DPH1: variants seen among roughly 807,000 people sequenced by gnomAD.
DPH1 encodes the protein 2-(3-amino-3-carboxypropyl)histidine synthase subunit 1.
Under a neutral mutation model 55.3 loss-of-function variants are expected in DPH1, and 59 were observed. The ratio of observed to expected loss-of-function variants is 1.07; its 90% CI spans 0.87 to 1.33. The LOEUF is 1.33. DPH1 is among the 40% of genes most tolerant of loss of function. DPH1 has a pLI of 0.00. For missense variants in DPH1, 628 were observed against 584.8 expected (o/e 1.07, Z -0.76); for synonymous variants, 238 against 235.5 (o/e 1.01, Z -0.10).
intron 9 of DPH1, 39 bp downstream of exon 9, chr17:2,040,644 A>G (rs778114854): frequency 6.2e-6 from 10 of 1,605,678 alleles, no homozygotes; most frequent in African/African-American, 5.3e-5. Context: ...AAAGAAGCTT[A>G]GAAGCTGGGT....
Position 2,030,192 on chromosome 17 carries a change from G to A in DPH1, c.23G>A (p.Gly8Glu), listed in dbSNP as rs762458101. 3 of 1,602,552 alleles carry A rather than the reference G, an allele frequency of 1.9e-6. No individual in the cohort carries two copies. Among genetic ancestry groups the A allele is most frequent in the Non-Finnish European group, 1.7e-6 (2 of 1,175,748 alleles). Residue 8 changes from glycine to glutamate, a missense_variant, in exon 1 of 13, where the codon GGG (glycine) becomes GAG (glutamate). By Grantham distance (98) the Gly-to-Glu change is moderately conservative (BLOSUM62 -2). Transcript: ENST00000263083. ...GTGATGGCGGCGCTGGTCGTATCCGGGGCAGCGGAGCAGGGCGGCCGAGAC... is the reference window on the plus strand; with the variant it reads ...GTGATGGCGGCGCTGGTCGTATCCGAGGCAGCGGAGCAGGGCGGCCGAGAC... MAALVVSGAAEQGGRDGP... is the reference protein window; with the variant it reads MAALVVSEAAEQGGRDGP...
rs748137510 is a variant in DPH1, at chr17:2,043,239, C to A, written c.*653C>A. 129 of 1,102,238 alleles carry A rather than the reference C, an allele frequency of 1.2e-4. No homozygotes were observed. Among genetic ancestry groups the A allele is most frequent in the Non-Finnish European group, 1.5e-4 (114 of 776,976 alleles). The allele number at this position is 1,102,238 out of a possible 1,614,324, so 68.3% of individuals were successfully genotyped here. Reference sequence around the variant, plus strand: ...ACCAGTTAAGAGACAACTATCAATTCTTGAGACCCAAATTATAAGGGCCCT... The same window carrying A: ...ACCAGTTAAGAGACAACTATCAATTATTGAGACCCAAATTATAAGGGCCCT... On this transcript the variant is annotated 3_prime_UTR_variant, in exon 13 of 13. Coordinates refer to ENST00000263083, the MANE Select transcript of DPH1 (RefSeq NM_001383.6).
intron 1 of DPH1, among the ~76,000 whole-genome samples, chr17:2,031,137 G>A (rs1307134151): frequency 6.6e-6 from 1 of 152,192 alleles, no homozygotes; most frequent in Non-Finnish European, 1.5e-5. Context: ...CTTAATTGTC[G>A]GGGCAGGGCA....
In DPH1 at chr17:2,033,522, C is replaced by T. The variant is rs775796897; in HGVS notation, c.79C>T (p.Arg27Cys). Reference sequence around the variant, plus strand: ...CATTCTAGGTCGGGCCCCTCGGGGCCGCGTGGCCAATCAGATCCCCCCTGA... The same window carrying T: ...CATTCTAGGTCGGGCCCCTCGGGGCTGCGTGGCCAATCAGATCCCCCCTGA... ...GPGRGRAPRG[R>C]VANQIPPEIL... The change falls in exon 2 of 13, where the codon CGC becomes TGC. Residue 27 changes from arginine to cysteine, a missense_variant. Arg to Cys is a radical substitution (Grantham distance 180). Transcript: ENST00000263083. The T allele has an allele frequency of 2.4e-5, 38 of 1,614,012 alleles. No individual in the cohort carries two copies. The highest frequency in any genetic ancestry group is 6.7e-5 in the African/African-American group (5 of 74,926).
At chr17:2,042,030 C>T (rs978593108) in intron 12 of DPH1, 155 bp downstream of exon 12, 2 of 1,501,462 alleles carry the variant, frequency 1.3e-6, no homozygotes, top group East Asian at 2.5e-5. Flanking sequence ...GTGCTTCCGT[C>T]GCTCCTTGCC....
At chr17:2,033,384 A>C (rs1184049522) in intron 1 of DPH1, 121 bp from the exon 2 acceptor site, 1 of 1,514,312 alleles carries the variant, frequency 6.6e-7, no homozygotes, top group African/African-American at 1.4e-5. Flanking sequence ...GAGATGACTC[A>C]AAATTTTTAT....
Position 2,041,640 on chromosome 17 carries a change from G to A in DPH1, c.1227+19G>A. 1 of 1,596,030 alleles carries A rather than the reference G, an allele frequency of 6.3e-7. No individual in the cohort carries two copies. The highest frequency in any genetic ancestry group is 8.5e-7 in the Non-Finnish European group (1 of 1,172,428). On this transcript the variant is annotated intron_variant, in intron 11 of 12. Transcript: ENST00000263083. ...GGGGAAGGTAGGCGGGGGCTTCCAG[G>A]AGGGAGGAGAGACCGCGCCTGGGCA...
In DPH1 at chr17:2,043,060, C is replaced by T. The variant is rs1363716626; in HGVS notation, c.*474C>T. The T allele has an allele frequency of 1.9e-6, 3 of 1,614,032 alleles. No homozygotes were observed. The highest frequency in any genetic ancestry group is 2.5e-6 in the Non-Finnish European group (3 of 1,180,032). Reference sequence around the variant, plus strand: ...CCACTTCATTCCAGCAGCTGCACCCCAGCGTCAGGCCTACCTCAAGTTCTT... The same window carrying T: ...CCACTTCATTCCAGCAGCTGCACCCTAGCGTCAGGCCTACCTCAAGTTCTT... On this transcript the variant is annotated 3_prime_UTR_variant, in exon 13 of 13. Transcript: ENST00000263083.
rs1217885306 is a variant in DPH1 at position 2,042,908 on chromosome 17, T to C, written c.*322T>C. ...GGCATTGGGTTCAAGGAATCCATCC[T>C]GCAAAGGCCCTTGTCATTGCCTTCG... On this transcript the variant is annotated 3_prime_UTR_variant, in exon 13 of 13. Coordinates refer to ENST00000263083, the MANE Select transcript of DPH1 (RefSeq NM_001383.6). The C allele has an allele frequency of 1.2e-6, 2 of 1,614,092 alleles. No homozygotes were observed. The highest frequency in any genetic ancestry group is 2.7e-5 in the African/African-American group (2 of 74,942).
intron 12 of DPH1, chr17:2,042,172 T>G (rs1217365403): frequency 2.7e-6 from 4 of 1,460,004 alleles, no homozygotes; most frequent in East Asian, 5.4e-5. Context: ...CTCGTGTGCC[T>G]CAGCGGCCCG....
In DPH1 at chr17:2,039,855, T is replaced by C. The variant is rs762882889; in HGVS notation, c.749+32T>C. Reference sequence around the variant, plus strand: ...GCTGGGCCGGGCTGGGCTGACCAGCTGGTGAGGGGTGAGATTCCCTGCCAC... The same window carrying C: ...GCTGGGCCGGGCTGGGCTGACCAGCCGGTGAGGGGTGAGATTCCCTGCCAC... On this transcript the variant is annotated intron_variant, in intron 7 of 12. Coordinates refer to ENST00000263083, the MANE Select transcript of DPH1 (RefSeq NM_001383.6). The C allele has an allele frequency of 2.5e-6, 4 of 1,613,670 alleles. No homozygotes were observed. The South Asian group carries it at 3.3e-5, about 13-fold the overall frequency.
chr17:2,042,309 C>A (rs1020590359), intron 12 of DPH1: 8 of 1,393,656 alleles, frequency 5.7e-6, no homozygotes, highest in Non-Finnish European at 7.4e-6. Context: ...TTCAGCATCC[C>A]CCACCCTGCG....
At chr17:2,041,045 A>G (rs1415721081) in intron 9 of DPH1, 58 bp from the exon 10 acceptor site, 41 of 1,526,874 alleles carry the variant, frequency 2.7e-5, no homozygotes, top group Non-Finnish European at 3.6e-5. Context: ...GTTCTTCAGC[A>G]TGCTGCCTGG....
At chr17:2,030,117 C>G (rs772138366), upstream of DPH1, 42 of 1,568,446 alleles carry the variant, frequency 2.7e-5, no homozygotes, top group African/African-American at 5.5e-4. Context: ...AATGTCTGCG[C>G]TCTCCGCGTT....
At position 2,033,990 on chromosome 17, in the gene DPH1, C is replaced by G; in HGVS notation, c.278+148C>G. The G allele has an allele frequency of 6.8e-6, 6 of 885,952 alleles. No homozygotes were observed. The South Asian group carries it at 9.6e-5, about 14-fold the overall frequency. 54.9% of individuals were successfully genotyped at this position (885,952 alleles called of 1,614,324 possible). A position where few individuals can be genotyped will look rare whatever the true frequency, so the allele number is the denominator to read the frequency against. ...TTTCCCTCCCACAACCATACACACA[C>G]TCAGGGAAAACCCAAAACAAATCTC... On this transcript the variant is annotated intron_variant, in intron 3 of 12. Transcript: ENST00000263083.
In DPH1 at chr17:2,041,611, C is replaced by T; in HGVS notation, c.1217C>T (p.Ala406Val). Residue 406 changes from alanine to valine, a missense_variant, in exon 11 of 13, where the codon GCG becomes GTG. Transcript: ENST00000263083. ...CGTCCCCACGCCCCGGGCCGGCCCGCGCGGGGGAAGGTAGGCGGGGGCTTC... is the reference window on the plus strand; with the variant it reads ...CGTCCCCACGCCCCGGGCCGGCCCGTGCGGGGGAAGGTAGGCGGGGGCTTC... Reference protein sequence around the residue: ...DRRPHAPGRPARGKVQEGSAR... With the variant: ...DRRPHAPGRPVRGKVQEGSAR... The T allele has an allele frequency of 6.2e-7, 1 of 1,604,670 alleles. No homozygotes were observed. Among genetic ancestry groups the T allele is most frequent in the African/African-American group, 1.3e-5 (1 of 74,506 alleles).
rs1468493351 is a variant in DPH1, at chr17:2,042,421, C to G, written c.*19-184C>G. On this transcript the variant is annotated intron_variant, in intron 12 of 12. Transcript: ENST00000263083. ...TGTCCTCCCAGGCTTCCGCCTTCACCGTCTTCCTCCGCTGTCTCCTGTTCA... is the reference window on the plus strand; with the variant it reads ...TGTCCTCCCAGGCTTCCGCCTTCACGGTCTTCCTCCGCTGTCTCCTGTTCA... 3.2e-6 allele frequency: 4 copies of G among 1,241,306 alleles called. No individual in the cohort carries two copies. In the African/African-American group the frequency reaches 4.7e-5, roughly 15 times the overall value. 76.9% of individuals were successfully genotyped at this position (1,241,306 alleles called of 1,614,324 possible).
rs1162708861 is a variant in DPH1, at chr17:2,036,597, A to G, written c.469A>G (p.Thr157Ala). Residue 157 changes from threonine to alanine, a missense_variant, in exon 5 of 13, where the codon ACA (threonine) becomes GCA (alanine). By Grantham distance (58) the Thr-to-Ala change is moderately conservative. Transcript: ENST00000263083. This position sits in a 1 kb window ranked among gnomAD's most constrained non-coding sequence, Gnocchi z 4.8. ...CTTTGTGGACATCCGGATAGACACT[A>G]CACACCTCCTGGACTCTCTCCGCCT... ...YVFVDIRIDT[T>A]HLLDSLRLTF... 10 of 1,613,894 alleles carry G rather than the reference A, an allele frequency of 6.2e-6. No homozygotes were observed. Among genetic ancestry groups the G allele is most frequent in the Admixed American group, 1.7e-5 (1 of 59,982 alleles).
chr17:2,040,191 C>T, intron 7 of DPH1, 27 bp from the exon 8 acceptor site: 1 of 1,611,916 alleles, frequency 6.2e-7, no homozygotes, highest in Non-Finnish European at 8.5e-7. Flanking sequence ...GTGGCTGCCA[C>T]AGTGACCCTG....
Sources: gnomAD v4.1 joint callset for allele counts (sites outside exome capture counted in the v4.1 genomes callset) on GRCh38, gnomAD v4.1.1 for gene constraint, Gnocchi (gnomAD v3.1) non-coding constraint, MANE v1.5 for transcripts, NCBI Gene and HGNC (gene_info 2026-07-23, HGNC 2026-07-21) for gene names.